Variants in FRMD6 observed in about 807,000 individuals in gnomAD.
FRMD6 encodes the protein FERM domain containing 6.
Under a neutral mutation model 73.2 loss-of-function variants are expected in FRMD6, and 37 were observed. The observed-to-expected ratio is 0.51, with a 90% confidence interval of 0.39 to 0.66. The LOEUF (loss-of-function observed/expected upper bound fraction) is 0.66. FRMD6 is among the 30% of genes least tolerant of loss of function. The pLI is 0.00. For missense variants in FRMD6, 714 were observed against 780.5 expected (o/e 0.91, Z 1.02); for synonymous variants, 273 against 282.2 (o/e 0.97, Z 0.33).
At chr14:51,640,948 T>G (rs1308413163) in intron 2 of FRMD6, among the ~76,000 whole-genome samples, 1 of 152,060 alleles carries the variant, frequency 6.6e-6, no homozygotes, top group Admixed American at 6.6e-5. Context: ...AATTTTGGAG[T>G]TTATACTTTA....
At chr14:51,450,525 C>T in the FRMD6 span, among the ~76,000 whole-genome samples, 2 of 152,118 alleles carry the variant, frequency 1.3e-5, no homozygotes, top group East Asian at 1.9e-4. Flanking sequence ...CCACCAGGGT[C>T]GAGGAGAGAT....
At chr14:51,702,964 A>T (rs900090043) in intron 5 of FRMD6, among the ~76,000 whole-genome samples, 1 of 152,046 alleles carries the variant, frequency 6.6e-6, no homozygotes, top group Non-Finnish European at 1.5e-5. Flanking sequence ...TTAAAAGATT[A>T]TGTTCTTTTC....
chr14:51,665,795 C>T (rs1893541528), intron 1 of FRMD6, among the ~76,000 whole-genome samples: 1 of 152,106 alleles, frequency 6.6e-6, no homozygotes, highest in East Asian at 1.9e-4. Flanking sequence ...CCGTGCTGTT[C>T]TCGTGATAAT....
At chr14:51,672,002 G>C (rs909304715) in intron 1 of FRMD6, among the ~76,000 whole-genome samples, 6 of 152,184 alleles carry the variant, frequency 3.9e-5, no homozygotes, top group Admixed American at 3.9e-4. Context: ...ACAGACAAGA[G>C]CAGAACATTC....
the FRMD6 span, among the ~76,000 whole-genome samples, chr14:51,405,678 T>C: frequency 6.6e-6 from 1 of 152,094 alleles, no homozygotes; most frequent in South Asian, 2.1e-4. Flanking sequence ...TTTTCTCTTG[T>C]ATATTTGTTT....
At chr14:51,399,727 C>T in the FRMD6 span, among the ~76,000 whole-genome samples, 1 of 152,092 alleles carries the variant, frequency 6.6e-6, no homozygotes, top group Non-Finnish European at 1.5e-5. Flanking sequence ...GCTGTTTTCT[C>T]AGTATTTTTA....
chr14:51,441,440 CTG>C, the FRMD6 span, among the ~76,000 whole-genome samples: 4 of 152,228 alleles, frequency 2.6e-5, no homozygotes, highest in Non-Finnish European at 5.9e-5. Flanking sequence ...TCCTCAGAAA[CTG>C]AGGTTGAGAG....
At chr14:51,564,849 A>T (rs1887689662) in intron 1 of FRMD6, among the ~76,000 whole-genome samples, 1 of 152,240 alleles carries the variant, frequency 6.6e-6, no homozygotes, top group African/African-American at 2.4e-5. Context: ...CTAATTAAAA[A>T]TATAGGAAAA....
At chr14:51,437,992 C>A in the FRMD6 span, among the ~76,000 whole-genome samples, 1 of 152,142 alleles carries the variant, frequency 6.6e-6, no homozygotes, top group Admixed American at 6.5e-5. Flanking sequence ...GAGAGTACAC[C>A]ATGTCTCTAT....
At chr14:51,592,564 C>T (rs1209255857) in intron 2 of FRMD6, among the ~76,000 whole-genome samples, 1 of 152,114 alleles carries the variant, frequency 6.6e-6, no homozygotes, top group African/African-American at 2.4e-5. Flanking sequence ...CATTTGAACA[C>T]GATGTAATAA....
At chr14:51,647,747 TTC>T, upstream of FRMD6, among the ~76,000 whole-genome samples, 1 of 152,338 alleles carries the variant, frequency 6.6e-6, no homozygotes, top group Admixed American at 6.5e-5. Flanking sequence ...AATCACTGAC[TTC>T]TCTCTTAGAC....
chr14:51,612,524 A>G (rs781520631), intron 2 of FRMD6, among the ~76,000 whole-genome samples: 34 of 152,230 alleles, frequency 2.2e-4, no homozygotes, highest in Non-Finnish European at 4.6e-4. Context: ...AATTGCTTAC[A>G]TTCACTGAGG....
chr14:51,604,404 C>T (rs1316264256), intron 2 of FRMD6, among the ~76,000 whole-genome samples: 1 of 151,976 alleles, frequency 6.6e-6, no homozygotes, highest in African/African-American at 2.4e-5. Flanking sequence ...ACTATGCTTT[C>T]CAGATTATTA....
chr14:51,596,518 AG>A (rs1889723170), intron 2 of FRMD6, among the ~76,000 whole-genome samples: 1 of 152,208 alleles, frequency 6.6e-6, no homozygotes. Flanking sequence ...CATGAAAATT[AG>A]AAAAAGTGTA....
the FRMD6 span, among the ~76,000 whole-genome samples, chr14:51,438,841 A>G: frequency 6.6e-6 from 1 of 151,754 alleles, no homozygotes; most frequent in African/African-American, 2.4e-5. Context: ...ATGCCAAGCT[A>G]TATATAGGGC....
chr14:51,532,922 C>T lies in FRMD6; in HGVS notation c.-209-37426C>T, dbSNP rs1885671267. ...TGTCAACCCAGTGCTCAGCACATGGCCTGGCACTTAGTGGAATGTCAGTGA... is the reference window on the plus strand; with the variant it reads ...TGTCAACCCAGTGCTCAGCACATGGTCTGGCACTTAGTGGAATGTCAGTGA... On this transcript the variant is annotated intron_variant, in intron 1 of 14. Transcript: ENST00000356218. 3.3e-5 allele frequency among the ~76,000 whole-genome samples: 5 copies of T among 152,194 alleles called. No individual in the cohort carries two copies. In the South Asian group the frequency reaches 1.0e-3, roughly 31 times the overall value.
chr14:51,668,818 C>T (rs552940232), intron 1 of FRMD6, among the ~76,000 whole-genome samples: 25 of 152,026 alleles, frequency 1.6e-4, no homozygotes, highest in African/African-American at 6.0e-4. Context: ...CAGGCATGCA[C>T]CACCACACCC....
At chr14:51,695,869 G>A (rs1040957216) in intron 2 of FRMD6, among the ~76,000 whole-genome samples, 3 of 152,042 alleles carry the variant, frequency 2.0e-5, no homozygotes, top group Non-Finnish European at 4.4e-5. Context: ...TACTACAGTC[G>A]GAATTATCAC....
intron 2 of FRMD6, among the ~76,000 whole-genome samples, chr14:51,590,780 A>T (rs1889343216): frequency 6.6e-6 from 1 of 152,218 alleles, no homozygotes; most frequent in African/African-American, 2.4e-5. Context: ...CAAATGCAAA[A>T]AGTGACCAAA....
Sources: allele counts gnomAD v4.1 joint callset (sites outside exome capture counted in the v4.1 genomes callset), GRCh38; gene constraint gnomAD v4.1.1; transcripts MANE v1.5; gene names NCBI Gene and HGNC (gene_info 2026-07-23, HGNC 2026-07-21).